Variants in SUMF1 observed in about 807,000 individuals in gnomAD.
SUMF1 encodes sulfatase modifying factor 1.
SUMF1 carries 48 observed loss-of-function variants against 47.6 expected under a neutral mutation model. The observed-to-expected ratio is 1.01, with a 90% confidence interval of 0.80 to 1.28. SUMF1 has a LOEUF of 1.28. Ranked by LOEUF, SUMF1 falls within the 50% of genes most tolerant of loss-of-function variation. SUMF1 has a pLI of 0.00. For synonymous variants in SUMF1, 230 were observed against 192.1 expected (o/e 1.20, Z -1.63); for missense variants, 571 against 485.4 (o/e 1.18, Z -1.66).
At chr3:4,414,287 T>C (rs1250752568) in intron 6 of SUMF1, among the ~76,000 whole-genome samples, 4 of 152,090 alleles carry the variant, frequency 2.6e-5, no homozygotes, top group Admixed American at 1.3e-4. Flanking sequence ...GCTGTGATCA[T>C]GCCACTGCAC....
At chr3:4,384,155 G>T (rs1700595908) in intron 7 of SUMF1, among the ~76,000 whole-genome samples, 1 of 152,094 alleles carries the variant, frequency 6.6e-6, no homozygotes, top group African/African-American at 2.4e-5. Flanking sequence ...GTCCCTTTCA[G>T]TCTAGAAAAA....
intron 8 of SUMF1, among the ~76,000 whole-genome samples, chr3:4,274,622 G>A (rs888107186): frequency 6.6e-6 from 1 of 152,124 alleles, no homozygotes; most frequent in African/African-American, 2.4e-5. Flanking sequence ...GCCAGACTCT[G>A]CCCCTATGAA....
rs1038825711 is a variant in SUMF1 at position 4,337,302 on chromosome 3, G to A, written c.1014+39028C>T. 6.9e-5 allele frequency among the ~76,000 whole-genome samples: 10 copies of A among 143,914 alleles called. No homozygotes were observed. In the Middle Eastern group the frequency reaches 0.01, roughly 146 times the overall value. The allele number at this position is 143,914 out of a possible 152,430, so 94.4% of individuals were successfully genotyped here. A position where few individuals can be genotyped will look rare whatever the true frequency, so the allele number is the denominator to read the frequency against. Reference sequence around the variant, plus strand: ...GTTTCTTCCTGTTTGCTGTCAACCAGCTATCCATCACCTCCATCACCCTAC... The same window carrying A: ...GTTTCTTCCTGTTTGCTGTCAACCAACTATCCATCACCTCCATCACCCTAC... On this transcript the variant is annotated intron_variant and NMD_transcript_variant, in intron 8 of 12. Coordinates refer to the SUMF1 transcript ENST00000448413.
chr3:4,452,499 A>G (rs1485668896), intron 2 of SUMF1, among the ~76,000 whole-genome samples: 1 of 152,256 alleles, frequency 6.6e-6, no homozygotes, highest in African/African-American at 2.4e-5. Flanking sequence ...GTCTTACTTT[A>G]CATGCCATCT....
At chr3:4,061,020 G>A (rs1320344017) in intron 9 of SUMF1, among the ~76,000 whole-genome samples, 3 of 152,100 alleles carry the variant, frequency 2.0e-5, no homozygotes, top group African/African-American at 7.2e-5. Context: ...ATACTTTGTG[G>A]AAAAGCCAGT....
intron 8 of SUMF1, among the ~76,000 whole-genome samples, chr3:4,308,045 T>C (rs1698260079): frequency 6.6e-6 from 1 of 151,980 alleles, no homozygotes; most frequent in Non-Finnish European, 1.5e-5. Context: ...AAAATCCCAT[T>C]CTCCGTGTCC....
intron 9 of SUMF1, among the ~76,000 whole-genome samples, chr3:4,057,322 C>T (rs1008020246): frequency 1.3e-5 from 2 of 152,088 alleles, no homozygotes; most frequent in African/African-American, 4.8e-5. Context: ...CTCTTGTCTC[C>T]TCCTCACCAT....
rs116065619 is a variant in SUMF1 at position 4,336,466 on chromosome 3, G to A, written c.1014+39864C>T. Among the ~76,000 whole-genome samples, 702 of 152,244 alleles carry A rather than the reference G, an allele frequency of 4.6e-3. 7 individuals carry two copies. The highest frequency in any genetic ancestry group is 0.016 in the African/African-American group (676 of 41,532). On this transcript the variant is annotated intron_variant and NMD_transcript_variant, in intron 8 of 12. Transcript: ENST00000448413. ...GTAGAGCAAATGAGGCTATGACACG[G>A]GTTGTGAAATTACAGTTATCTATTT...
At chr3:4,108,979 G>A (rs1414313098) in intron 8 of SUMF1, among the ~76,000 whole-genome samples, 1 of 152,034 alleles carries the variant, frequency 6.6e-6, no homozygotes, top group East Asian at 1.9e-4. Flanking sequence ...GATGTTAGCT[G>A]GTGATTTTGC....
intron 8 of SUMF1, among the ~76,000 whole-genome samples, chr3:4,213,953 T>C (rs1386468772): frequency 6.6e-6 from 1 of 152,128 alleles, no homozygotes; most frequent in Non-Finnish European, 1.5e-5. Context: ...TTCCACACGA[T>C]AATGATGGGA....
At chr3:4,194,073 G>A (rs1695378502) in intron 8 of SUMF1, among the ~76,000 whole-genome samples, 1 of 152,010 alleles carries the variant, frequency 6.6e-6, no homozygotes, top group Non-Finnish European at 1.5e-5. Flanking sequence ...TCCAATAGAT[G>A]ACCACCATGA....
At chr3:4,416,625 A>G (rs1701721557) in intron 6 of SUMF1, among the ~76,000 whole-genome samples, 1 of 152,266 alleles carries the variant, frequency 6.6e-6, no homozygotes, top group African/African-American at 2.4e-5. Flanking sequence ...ACCTTGAGCA[A>G]GTTAGTTAAC....
chr3:4,069,088 G>A (rs927903299), intron 8 of SUMF1, among the ~76,000 whole-genome samples: 55 of 152,168 alleles, frequency 3.6e-4, no homozygotes, highest in African/African-American at 1.3e-3. Flanking sequence ...AGGGCCAACC[G>A]TGCATGATAA....
At position 4,453,572 on chromosome 3, in the gene SUMF1, G is replaced by A. The variant is rs1372450124; in HGVS notation, c.271-523C>T. On this transcript the variant is annotated intron_variant, in intron 1 of 8. Transcript: ENST00000272902. ...TTTTGAGACGGAGTCTTGCTCTGTCGCCCCAGGCTGGAGTACAGTGGCACA... is the reference window on the plus strand; with the variant it reads ...TTTTGAGACGGAGTCTTGCTCTGTCACCCCAGGCTGGAGTACAGTGGCACA... Among the ~76,000 whole-genome samples the A allele has an allele frequency of 3.5e-5, 5 of 144,284 alleles. No individual in the cohort carries two copies. The Middle Eastern group carries it at 0.014, about 418-fold the overall frequency. The allele number at this position is 144,284 out of a possible 152,430, so 94.7% of individuals were successfully genotyped here.
intron 8 of SUMF1, among the ~76,000 whole-genome samples, chr3:4,338,882 T>G (rs1699209901): frequency 6.6e-6 from 1 of 152,150 alleles, no homozygotes; most frequent in South Asian, 2.1e-4. Flanking sequence ...GATTGAGTTA[T>G]GTCTAGCTAC....
rs1692753262 is a variant in SUMF1 at position 4,090,126 on chromosome 3, AAATG to A, written c.1015-21385_1015-21382del. On this transcript the variant is annotated intron_variant and NMD_transcript_variant, in intron 8 of 12. Transcript: ENST00000448413. Reference sequence around the variant, plus strand: ...AGCAGGTGCTTCATTAATATTTGGTAAATGAATACATTAATGAATAATATGTAAT... The same window carrying A: ...AGCAGGTGCTTCATTAATATTTGGTAAATACATTAATGAATAATATGTAAT... 2.0e-5 allele frequency among the ~76,000 whole-genome samples: 3 copies of A among 152,164 alleles called. 1 individual carries two copies. In the South Asian group the frequency reaches 6.2e-4, roughly 32 times the overall value.
chr3:4,449,077 C>T (rs1702879334), intron 3 of SUMF1, among the ~76,000 whole-genome samples, 189 bp downstream of exon 3: 1 of 152,154 alleles, frequency 6.6e-6, no homozygotes, highest in South Asian at 2.1e-4. Flanking sequence ...CCTCAGATAC[C>T]ATCTTGTCCC....
intron 9 of SUMF1, among the ~76,000 whole-genome samples, chr3:4,043,218 A>G (rs1052884199): frequency 6.6e-6 from 1 of 152,066 alleles, no homozygotes; most frequent in Non-Finnish European, 1.5e-5. Flanking sequence ...CATGCTCTTC[A>G]GGCCTGGGCA....
intron 1 of SUMF1, 39 bp from the exon 2 acceptor site, chr3:4,453,088 A>T (rs1393614108): frequency 6.3e-7 from 1 of 1,588,920 alleles, no homozygotes; most frequent in Non-Finnish European, 8.6e-7. Flanking sequence ...CATGCATCAC[A>T]GCCAAGGTGT....
Sources: allele counts gnomAD v4.1 joint callset (sites outside exome capture counted in the v4.1 genomes callset), GRCh38; gene constraint gnomAD v4.1.1; transcripts MANE v1.5; gene names NCBI Gene and HGNC (gene_info 2026-07-23, HGNC 2026-07-21).